Variants in POLR1C observed in about 807,000 individuals in gnomAD.
POLR1C encodes the protein RNA polymerase I and III subunit C, also known as DNA-directed RNA polymerases I and III subunit RPAC1.
Under a neutral mutation model 38.3 loss-of-function variants are expected in POLR1C, and 42 were observed. The observed-to-expected ratio is 1.10, with a 90% CI of 0.86 to 1.42. The LOEUF (loss-of-function observed/expected upper bound fraction) is 1.42, where lower values mean the gene tolerates loss of function less well. POLR1C is among the 40% of genes most tolerant of loss of function. The pLI, the probability that POLR1C is intolerant of heterozygous loss-of-function variation, is 0.00. For missense variants in POLR1C, 507 were observed against 450.5 expected (o/e 1.13, Z -1.14); for synonymous variants, 163 against 163.9 (o/e 0.99, Z 0.04).
intron 6 of POLR1C, 80 bp from the exon 7 acceptor site, chr6:43,520,545 T>C (rs1793103094): frequency 6.2e-7 from 1 of 1,603,954 alleles, no homozygotes; most frequent in Non-Finnish European, 8.5e-7. Context: ...GGTTGTGCTT[T>C]TGCTGTTAGT....
At position 43,519,459 on chromosome 6, in the gene POLR1C, A is replaced by T. The variant is rs1793022993; in HGVS notation, c.249+19A>T. ...AGCTGAGGTATTGGCAGGCATGGTGACAAGGCTGGAGTTGCTTTGGGAACT... is the reference window on the plus strand; with the variant it reads ...AGCTGAGGTATTGGCAGGCATGGTGTCAAGGCTGGAGTTGCTTTGGGAACT... On this transcript the variant is annotated intron_variant, in intron 3 of 8. Transcript: ENST00000642195. 1 of 1,573,534 alleles carries T rather than the reference A, an allele frequency of 6.4e-7. No homozygotes were observed. Among genetic ancestry groups the T allele is most frequent in the African/African-American group, 1.3e-5 (1 of 74,278 alleles).
chr6:43,537,395 TA>T (rs1400172732), intron 9 of POLR1C, among the ~76,000 whole-genome samples: 1 of 152,188 alleles, frequency 6.6e-6, no homozygotes, highest in African/African-American at 2.4e-5. Context: ...GATTATCTGC[TA>T]AAAAACTGAA....
chr6:43,529,163 A>G (rs909998814), intron 8 of POLR1C: 3 of 1,455,200 alleles, frequency 2.1e-6, no homozygotes, highest in Admixed American at 3.5e-5. Context: ...CATTATGGTC[A>G]CTGGCCCAAA....
intron 8 of POLR1C, chr6:43,526,722 A>G (rs752004973): frequency 1.1e-5 from 18 of 1,613,794 alleles, no homozygotes; most frequent in Non-Finnish European, 1.5e-5. Flanking sequence ...TGTGGTCAGC[A>G]CCCTTCTTTG....
intron 9 of POLR1C, among the ~76,000 whole-genome samples, chr6:43,538,139 CTTTTTTTTTT>C (rs1160662301): frequency 5.9e-4 from 29 of 48,938 alleles, no homozygotes; most frequent in South Asian, 1.3e-3. Flanking sequence ...TAAGAGACAT[CTTTTTTTTTT>C]TTTTTTTTTT....
At chr6:43,555,863 T>C (rs1207080523) in intron 10 of POLR1C, 11 of 1,613,782 alleles carry the variant, frequency 6.8e-6, no homozygotes, top group African/African-American at 1.3e-5. Context: ...TCAAGAAAAG[T>C]TGATAGTTGA....
rs535166773 is a variant in POLR1C at position 43,560,357 on chromosome 6, GATT to G, written c.*49-1038_*49-1036del. ...AAGGATTTGGATTCTATATAACCCAGATTATTACTTAGCAGTTATCAACTACAT... is the reference window on the plus strand; with the variant it reads ...AAGGATTTGGATTCTATATAACCCAGATTACTTAGCAGTTATCAACTACAT... On this transcript the variant is annotated intron_variant, in intron 10 of 10. Transcript: ENST00000607635. The G allele has an allele frequency of 6.1e-3, 9,215 of 1,522,218 alleles. 84 individuals are homozygous for G. The highest frequency in any genetic ancestry group is 6.9e-3 in the Non-Finnish European group (7,861 of 1,138,460). 94.3% of individuals were successfully genotyped at this position (1,522,218 alleles called of 1,614,324 possible).
In POLR1C at chr6:43,520,611, C is replaced by A; in HGVS notation, c.656-14C>A. ...GAAGGGTTTCCTATAGGCACGTTCC[C>A]TCTTCCTCTCCAGGCAAAGATCATG... On this transcript the variant is annotated splice_polypyrimidine_tract_variant and intron_variant, in intron 6 of 8. Coordinates refer to ENST00000642195, the MANE Select transcript of POLR1C (RefSeq NM_203290.4). 1 of 1,614,178 alleles carries A rather than the reference C, an allele frequency of 6.2e-7. No homozygotes were observed. Among genetic ancestry groups the A allele is most frequent in the South Asian group, 1.1e-5 (1 of 91,084 alleles).
At chr6:43,524,416 C>T, downstream of POLR1C, 1 of 1,580,334 alleles carries the variant, frequency 6.3e-7, no homozygotes, top group Non-Finnish European at 8.6e-7. Context: ...ATGGTTTGCC[C>T]ATACACATGA....
Position 43,547,638 on chromosome 6 carries a change from C to T in POLR1C, c.*5-3330C>T, listed in dbSNP as rs374599969. The T allele has an allele frequency of 9.9e-6, 16 of 1,613,946 alleles. No individual in the cohort carries two copies. The highest frequency in any genetic ancestry group is 9.3e-5 in the African/African-American group (7 of 74,954). On this transcript the variant is annotated intron_variant, in intron 9 of 10. Coordinates refer to the POLR1C transcript ENST00000607635. ...CACGGTTTAAGCCACACGGATCCTC[C>T]AGGCCTGGGTCACAGCTCTTCTGAT... is the stretch of plus-strand genomic sequence containing the variant.
At chr6:43,521,107 A>G (rs2127691808) in intron 8 of POLR1C, 59 bp downstream of exon 8, 2 of 1,599,162 alleles carry the variant, frequency 1.3e-6, no homozygotes, top group Non-Finnish European at 1.7e-6. Flanking sequence ...GCTTCCTTCC[A>G]GTCTAGATGT....
chr6:43,534,003 G>A (rs367681038), downstream of POLR1C: 48 of 1,597,950 alleles, frequency 3.0e-5, no homozygotes, highest in African/African-American at 5.1e-4. Context: ...AATGTATTGT[G>A]GGTTCTGAAA....
chr6:43,528,978 C>A (rs1793773942), intron 8 of POLR1C: 8 of 1,530,238 alleles, frequency 5.2e-6, no homozygotes, highest in Non-Finnish European at 7.1e-6. Context: ...CTCTCACCTG[C>A]CAGGTGGTGG....
At chr6:43,544,404 A>G (rs950773862) in intron 9 of POLR1C, 1 of 152,322 alleles carries the variant, frequency 6.6e-6, no homozygotes, top group Admixed American at 6.5e-5. Context: ...AGAAATTGAA[A>G]AGAGATTATA....
At chr6:43,518,883 T>C (rs765267739) in intron 2 of POLR1C, among the ~76,000 whole-genome samples, 7 of 152,192 alleles carry the variant, frequency 4.6e-5, no homozygotes, top group Non-Finnish European at 1.0e-4. Context: ...GGTTTCACCA[T>C]GCTGGCCAGG....
Position 43,520,669 on chromosome 6 carries a change from A to G in POLR1C, c.700A>G (p.Arg234Gly), listed in dbSNP as rs1793115997. Residue 234 changes from arginine (R) to glycine (G), a missense_variant, in exon 7 of 9, where the codon AGG becomes GGG. Transcript: ENST00000642195. ...KFSPVATASY[R>G]LLPDITLLEP... is the part of the protein sequence containing the mutation. ...TTCACCAGTGGCAACAGCCAGTTAC[A>G]GGCTCCTGCCAGACATCACCCTGCT... The G allele has an allele frequency of 1.2e-6, 2 of 1,614,096 alleles. No individual in the cohort carries two copies. The highest frequency in any genetic ancestry group is 2.2e-5 in the South Asian group (2 of 91,076).
chr6:43,562,025 T>C (rs1762443696), exon 11 of POLR1C: 1 of 395,290 alleles, frequency 2.5e-6, no homozygotes, highest in Non-Finnish European at 4.5e-6. Context: ...TAGACGTGGA[T>C]ATCTGACGTT....
intron 8 of POLR1C, chr6:43,526,650 A>C (rs757540321): frequency 4.3e-6 from 7 of 1,612,152 alleles, no homozygotes; most frequent in Admixed American, 1.7e-5. Context: ...TAGGAGGCTA[A>C]GAGCAGAACT....
At chr6:43,524,501 T>A (rs200787086), downstream of POLR1C, 783 of 1,613,738 alleles carry the variant, frequency 4.9e-4, 2 homozygotes, top group Admixed American at 9.2e-4. Context: ...GGCGTTTGAA[T>A]TGGTCCTTTC....
Sources: allele counts gnomAD v4.1 joint callset (sites outside exome capture counted in the v4.1 genomes callset), GRCh38; gene constraint gnomAD v4.1.1; transcripts MANE v1.5; gene names NCBI Gene and HGNC (gene_info 2026-07-23, HGNC 2026-07-21).